The following VPS35L variants were observed in gnomAD, a reference collection of about 807,000 sequenced individuals.
The protein encoded by VPS35L is VPS35 endosomal protein-sorting factor-like.
In VPS35L, 83 loss-of-function variants were observed where a neutral mutation model predicts 133.0. That is an observed-to-expected ratio of 0.62 (90% CI 0.52 to 0.75). The LOEUF (loss-of-function observed/expected upper bound fraction) is 0.75. VPS35L is among the 30% of genes least tolerant of loss of function. VPS35L has a pLI of 0.00. For missense variants in VPS35L, 1,083 were observed against 1,206.8 expected (o/e 0.90, Z 1.52); for synonymous variants, 423 against 449.9 (o/e 0.94, Z 0.76).
chr16:19,636,324 T>A (rs1187860750), intron 19 of VPS35L, among the ~76,000 whole-genome samples: 1 of 152,228 alleles, frequency 6.6e-6, no homozygotes, highest in African/African-American at 2.4e-5. Context: ...AGGTGGTGAA[T>A]AAATGCGTGT....
At chr16:19,643,048 A>C (rs1047082031) in intron 22 of VPS35L, among the ~76,000 whole-genome samples, 35 of 152,342 alleles carry the variant, frequency 2.3e-4, no homozygotes, top group Middle Eastern at 3.4e-3. Flanking sequence ...AACTTGATTT[A>C]CTGGAAAATG....
intron 28 of VPS35L, among the ~76,000 whole-genome samples, chr16:19,684,496 G>A (rs1398074906): frequency 1.3e-5 from 2 of 152,178 alleles, no homozygotes; most frequent in East Asian, 3.8e-4. Flanking sequence ...ATGCAGGGAG[G>A]CTGGTTCATA....
intron 24 of VPS35L, among the ~76,000 whole-genome samples, chr16:19,648,642 C>T (rs971240664): frequency 2.1e-4 from 32 of 151,968 alleles, no homozygotes; most frequent in Admixed American, 3.3e-4. Context: ...CTGAGGCTAG[C>T]AGATCACTTG....
rs755598779 is a variant in VPS35L, at chr16:19,644,879, A to G, written c.1866-7A>G. ...CCGTGTTAATTATGTACAATTATTG[A>G]TTTTAGTGCACTCACTCTTGAGGAT... On this transcript the variant is annotated splice_region_variant and splice_polypyrimidine_tract_variant and intron_variant, in intron 22 of 30. Transcript: ENST00000417362. The G allele has an allele frequency of 6.3e-7, 1 of 1,581,696 alleles. No individual in the cohort carries two copies. The highest frequency in any genetic ancestry group is 8.7e-7 in the Non-Finnish European group (1 of 1,155,192).
At position 19,578,329 on chromosome 16, in the gene VPS35L, G is replaced by A. The variant is rs149674656; in HGVS notation, c.434-723G>A. The A allele has an allele frequency of 7.7e-5, 34 of 439,970 alleles. No individual in the cohort carries two copies. In the Middle Eastern group the frequency reaches 2.9e-3, roughly 38 times the overall value. 27.3% of individuals were successfully genotyped at this position (439,970 alleles called of 1,614,324 possible). On this transcript the variant is annotated intron_variant, in intron 5 of 30. Transcript: ENST00000417362. Reference sequence around the variant, plus strand: ...ATGGAGGTTACAGTGAGCCGAGATCGCGCCACCGCACTCCAGCGTGGACGA... The same window carrying A: ...ATGGAGGTTACAGTGAGCCGAGATCACGCCACCGCACTCCAGCGTGGACGA...
chr16:19,607,246 G>A (rs965837133), intron 9 of VPS35L, among the ~76,000 whole-genome samples: 20 of 152,158 alleles, frequency 1.3e-4, no homozygotes, highest in Admixed American at 4.6e-4. Flanking sequence ...AGGGCCGATG[G>A]GCCAGCTAGC....
At chr16:19,665,169 G>C (rs751093237) in intron 26 of VPS35L, among the ~76,000 whole-genome samples, 1 of 152,176 alleles carries the variant, frequency 6.6e-6, no homozygotes, top group Non-Finnish European at 1.5e-5. Flanking sequence ...TTTATCCTGT[G>C]TGCTACAAAC....
intron 26 of VPS35L, among the ~76,000 whole-genome samples, chr16:19,662,998 AT>A (rs945873817): frequency 1.5e-4 from 20 of 136,216 alleles, no homozygotes; most frequent in African/African-American, 4.3e-4. Flanking sequence ...CAAAAAAAAA[AT>A]AATAATAATT....
Position 19,633,249 on chromosome 16 carries a change from T to A in VPS35L, c.1635+77T>A. The A allele has an allele frequency of 7.6e-7, 1 of 1,315,430 alleles. No homozygotes were observed. The highest frequency in any genetic ancestry group is 1.1e-6 in the Non-Finnish European group (1 of 910,908). The allele number at this position is 1,315,430 out of a possible 1,614,324, so 81.5% of individuals were successfully genotyped here. On this transcript the variant is annotated intron_variant, in intron 19 of 30. Transcript: ENST00000417362. This position sits in a 1 kb window ranked among gnomAD's most constrained non-coding sequence, Gnocchi z 4.1. ...GAATTAAATAGGCGTGTTGTATGGG[T>A]CAGGCTATAAAGGCACATAATCCTG...
chr16:19,591,733 G>T, intron 7 of VPS35L, 57 bp from the exon 8 acceptor site: 1 of 1,320,660 alleles, frequency 7.6e-7, no homozygotes, highest in South Asian at 1.2e-5. Flanking sequence ...GATCTGGAGT[G>T]TCCTACCCAT....
intron 29 of VPS35L, among the ~76,000 whole-genome samples, chr16:19,696,611 G>A (rs1975922206): frequency 6.6e-6 from 1 of 151,844 alleles, no homozygotes; most frequent in Non-Finnish European, 1.5e-5. Flanking sequence ...AGGGGATCAG[G>A]CCCTGATTTG....
At position 19,601,649 on chromosome 16, in the gene VPS35L, T is replaced by C. The variant is rs755190529; in HGVS notation, c.725-15T>C. The stretch of plus-strand genomic sequence containing the variant: ...AAGAGTGTGATACTAACACCATCTG[T>C]CCTTTTCCTCCCAGGAAAGCTCGTG... On this transcript the variant is annotated splice_polypyrimidine_tract_variant and intron_variant, in intron 8 of 30. Transcript: ENST00000417362. The C allele has an allele frequency of 1.2e-6, 2 of 1,613,734 alleles. No homozygotes were observed. The highest frequency in any genetic ancestry group is 1.7e-6 in the Non-Finnish European group (2 of 1,179,664).
chr16:19,644,309 T>A (rs1430882982), intron 22 of VPS35L, among the ~76,000 whole-genome samples: 1 of 152,220 alleles, frequency 6.6e-6, no homozygotes, highest in East Asian at 1.9e-4. Context: ...TGGATAATTA[T>A]GTGTAAAACA....
chr16:19,682,228 C>T lies in VPS35L; in HGVS notation c.2365C>T (p.His789Tyr). The change falls in exon 28 of 31, where the codon CAT (histidine) becomes TAT (tyrosine). Residue 789 changes from histidine to tyrosine, a missense_variant. By Grantham distance (83) the His-to-Tyr change is moderately conservative (BLOSUM62 2). Coordinates refer to ENST00000417362, the MANE Select transcript of VPS35L (RefSeq NM_020314.7). ...FFSTLLIVPDHPEHGVLFLVR... is the reference protein window; with the variant it reads ...FFSTLLIVPDYPEHGVLFLVR... ...CCTTTTTTCGGTTCTCTGCTAGGAT[C>T]ATCCTGAACATGGGGTCCTGTTTCT... is the stretch of plus-strand genomic sequence containing the variant. 2.5e-6 allele frequency: 4 copies of T among 1,613,902 alleles called. No homozygotes were observed. Among genetic ancestry groups the T allele is most frequent in the Non-Finnish European group, 3.4e-6 (4 of 1,179,916 alleles).
intron 29 of VPS35L, among the ~76,000 whole-genome samples, chr16:19,695,006 A>AG (rs1336578447): frequency 4.3e-5 from 6 of 139,124 alleles, no homozygotes; most frequent in Non-Finnish European, 6.2e-5. Context: ...ACTCTGTTTC[A>AG]GAAAAAAAAA....
chr16:19,600,645 G>A (rs1004963324), intron 8 of VPS35L, among the ~76,000 whole-genome samples: 3 of 152,168 alleles, frequency 2.0e-5, no homozygotes, highest in African/African-American at 7.2e-5. Context: ...AACAAAACAA[G>A]CACAAATCTC....
At chr16:19,598,031 C>G (rs1972271503) in intron 8 of VPS35L, among the ~76,000 whole-genome samples, 1 of 151,984 alleles carries the variant, frequency 6.6e-6, no homozygotes, top group African/African-American at 2.4e-5. Flanking sequence ...AAGACGTGTG[C>G]CTGGTTTCTG....
chr16:19,699,292 C>T lies in VPS35L; in HGVS notation c.2647-210C>T, dbSNP rs1487911961. ...GAGCTTCGTCATCTTACTGAATCCC[C>T]GCCCTTTGCAGGGGTGACCTTACTG... On this transcript the variant is annotated intron_variant, in intron 29 of 30. Transcript: ENST00000417362. This position sits in a 1 kb window ranked among gnomAD's most constrained non-coding sequence, Gnocchi z 4.2. 1.3e-5 allele frequency: 7 copies of T among 542,586 alleles called. No individual in the cohort carries two copies. The highest frequency in any genetic ancestry group is 2.2e-5 in the South Asian group (1 of 44,674). The allele number at this position is 542,586 out of a possible 1,614,324, so 33.6% of individuals were successfully genotyped here. A position where few individuals can be genotyped will look rare whatever the true frequency, so the allele number is the denominator to read the frequency against.
intron 28 of VPS35L, among the ~76,000 whole-genome samples, chr16:19,684,008 T>C (rs995726166): frequency 6.6e-6 from 1 of 151,950 alleles, no homozygotes; most frequent in Admixed American, 6.6e-5. Context: ...AATATACACA[T>C]GCATGAGCTT....
Sources: gnomAD v4.1 joint callset for allele counts (sites outside exome capture counted in the v4.1 genomes callset) on GRCh38, gnomAD v4.1.1 for gene constraint, Gnocchi (gnomAD v3.1) non-coding constraint, MANE v1.5 for transcripts, NCBI Gene and HGNC (gene_info 2026-07-23, HGNC 2026-07-21) for gene names.